TNFAIP8: variants seen among roughly 807,000 people sequenced by gnomAD.
TNFAIP8 encodes TNF alpha induced protein 8.
TNFAIP8 carries 7 observed loss-of-function variants against 13.3 expected under a neutral mutation model. The ratio of observed to expected loss-of-function variants is 0.52; its 90% CI spans 0.30 to 0.99. The LOEUF (loss-of-function observed/expected upper bound fraction) is 0.99. Among genes scored for constraint, TNFAIP8 ranks in the 50% least tolerant of loss-of-function variants. The pLI is 0.07. For synonymous variants in TNFAIP8, 94 were observed against 87.6 expected, an observed-to-expected ratio of 1.07 and a Z score of -0.41; for missense variants, 258 against 236.9, an observed-to-expected ratio of 1.09 and a Z score of -0.58.
At chr5:119,295,454 A>G (rs964697358) in intron 1 of TNFAIP8, among the ~76,000 whole-genome samples, 2 of 151,628 alleles carry the variant, frequency 1.3e-5, no homozygotes, top group African/African-American at 4.8e-5. Context: ...ATGCGGCGTT[A>G]TTTCTGAGGG....
intron 1 of TNFAIP8, among the ~76,000 whole-genome samples, chr5:119,379,984 A>G (rs774228628): frequency 6.6e-6 from 1 of 152,206 alleles, no homozygotes; most frequent in African/African-American, 2.4e-5. Context: ...AAGCAGCTTC[A>G]TGGCATTTGG....
At chr5:119,362,047 G>C (rs1751654525) in intron 1 of TNFAIP8, among the ~76,000 whole-genome samples, 2 of 152,320 alleles carry the variant, frequency 1.3e-5, no homozygotes, top group South Asian at 4.1e-4. Flanking sequence ...TGCATCCATA[G>C]TACAAAAATA....
chr5:119,354,927 C>T (rs1751322623), upstream of TNFAIP8: 2 of 162,806 alleles, frequency 1.2e-5, no homozygotes, highest in Non-Finnish European at 2.7e-5. Flanking sequence ...TCATAATTTC[C>T]AAGCGGATCT....
chr5:119,360,740 G>A (rs1438085248), intron 1 of TNFAIP8, among the ~76,000 whole-genome samples: 2 of 152,164 alleles, frequency 1.3e-5, no homozygotes, highest in Non-Finnish European at 2.9e-5. Context: ...CCTTGAAGTA[G>A]GACAGACCTA....
chr5:119,295,194 GTTAGACCTATAGGTCTAACGTTTAGTC>G (rs1749131805), intron 1 of TNFAIP8, among the ~76,000 whole-genome samples: 1 of 19,222 alleles, frequency 5.2e-5, no homozygotes, highest in Non-Finnish European at 8.1e-5. Flanking sequence ...TTAGTCTAAC[GTTAGACCTATAGGTCTAACGTTTAGTC>G]TAACGTTAGA....
At chr5:119,306,091 G>A (rs1406372436) in intron 1 of TNFAIP8, among the ~76,000 whole-genome samples, 1 of 152,090 alleles carries the variant, frequency 6.6e-6, no homozygotes, top group Admixed American at 6.5e-5. Flanking sequence ...CAGAAAACAG[G>A]ACTTCCTATG....
Position 119,398,213 on chromosome 5 carries a change from A to G in TNFAIP8, c.*4832A>G, listed in dbSNP as rs1425797410. Reference sequence around the variant, plus strand: ...CGCCTTCCCTGACATCAGCTGCATAACTGTATTTCTGCCTCGTGGAAATAA... The same window carrying G: ...CGCCTTCCCTGACATCAGCTGCATAGCTGTATTTCTGCCTCGTGGAAATAA... On this transcript the variant is annotated 3_prime_UTR_variant, in exon 2 of 2. Transcript: ENST00000504771. 6.6e-6 allele frequency: 1 copy of G among 152,172 alleles called. No individual in the cohort carries two copies. The highest frequency in any genetic ancestry group is 1.5e-5 in the Non-Finnish European group (1 of 68,034). The allele number at this position is 152,172 out of a possible 1,614,324, so 9.4% of individuals were successfully genotyped here. A position where few individuals can be genotyped will look rare whatever the true frequency, so the allele number is the denominator to read the frequency against.
At chr5:119,367,626 A>T (rs1169063920) in intron 1 of TNFAIP8, among the ~76,000 whole-genome samples, 1 of 152,196 alleles carries the variant, frequency 6.6e-6, no homozygotes, top group Non-Finnish European at 1.5e-5. Flanking sequence ...TATTCCATGA[A>T]TGACTCAATT....
chr5:119,289,704 A>G (rs984345670), intron 1 of TNFAIP8, among the ~76,000 whole-genome samples: 3 of 152,142 alleles, frequency 2.0e-5, no homozygotes, highest in Admixed American at 6.5e-5. Context: ...CCTTGCTCCA[A>G]TGCCCATTTA....
At chr5:119,268,930 C>G (rs1057023842) in intron 1 of TNFAIP8, 12 of 697,770 alleles carry the variant, frequency 1.7e-5, no homozygotes, top group Admixed American at 1.2e-4. Flanking sequence ...TGGGCGCGCC[C>G]GTCCCGCGCA....
intron 1 of TNFAIP8, among the ~76,000 whole-genome samples, chr5:119,279,181 C>G (rs1157226696): frequency 1.3e-5 from 2 of 152,162 alleles, no homozygotes; most frequent in Non-Finnish European, 2.9e-5. Context: ...GGAATTGAGG[C>G]TTAAGGAGGT....
At chr5:119,378,224 G>A (rs1006594513) in intron 1 of TNFAIP8, among the ~76,000 whole-genome samples, 12 of 152,178 alleles carry the variant, frequency 7.9e-5, no homozygotes, top group Admixed American at 7.2e-4. Flanking sequence ...CTGGGCATGC[G>A]GAGAGGAAAG....
chr5:119,330,769 G>A (rs1750352439), intron 1 of TNFAIP8, among the ~76,000 whole-genome samples: 1 of 152,160 alleles, frequency 6.6e-6, no homozygotes, highest in African/African-American at 2.4e-5. Flanking sequence ...TGTGTTTGCA[G>A]AGAGATAGAG....
chr5:119,353,102 A>G (rs1025192424), upstream of TNFAIP8, among the ~76,000 whole-genome samples: 3 of 152,206 alleles, frequency 2.0e-5, no homozygotes, highest in Non-Finnish European at 4.4e-5. Context: ...CTTAGTTGCA[A>G]TTTTGTATCA....
chr5:119,346,088 G>A (rs1312761618), intron 1 of TNFAIP8, among the ~76,000 whole-genome samples: 1 of 152,190 alleles, frequency 6.6e-6, no homozygotes, highest in Admixed American at 6.5e-5. Flanking sequence ...GAGAGGTCAT[G>A]GCCTGCTGTG....
intron 1 of TNFAIP8, among the ~76,000 whole-genome samples, chr5:119,367,706 C>T (rs1751912322): frequency 6.6e-6 from 1 of 152,120 alleles, no homozygotes; most frequent in Non-Finnish European, 1.5e-5. Flanking sequence ...AGGAAGTATT[C>T]AGTATAGATA....
intron 1 of TNFAIP8, among the ~76,000 whole-genome samples, chr5:119,324,466 A>T (rs955392195): frequency 6.6e-6 from 1 of 152,038 alleles, no homozygotes; most frequent in Non-Finnish European, 1.5e-5. Flanking sequence ...AGTCACAGGG[A>T]TAAGCAAAAA....
intron 1 of TNFAIP8, chr5:119,333,166 T>A: frequency 1.0e-6 from 1 of 986,648 alleles, no homozygotes; most frequent in Non-Finnish European, 1.2e-6. Flanking sequence ...AGACTTCCTG[T>A]TTCTGCTTGA....
In TNFAIP8 at chr5:119,394,759, A is replaced by T. The variant is rs926252298; in HGVS notation, c.*1378A>T. ...GTAGCTGGGATTACAGGCATGCACC[A>T]CCACACCCAGCTAATTTTTGTATTT... On this transcript the variant is annotated 3_prime_UTR_variant, in exon 2 of 2. Coordinates refer to ENST00000504771, the MANE Select transcript of TNFAIP8 (RefSeq NM_014350.4). 2.0e-5 allele frequency: 3 copies of T among 151,980 alleles called. No individual in the cohort carries two copies. Among genetic ancestry groups the T allele is most frequent in the African/African-American group, 7.3e-5 (3 of 41,326 alleles). The allele number at this position is 151,980 out of a possible 1,614,324, so 9.4% of individuals were successfully genotyped here. A position where few individuals can be genotyped will look rare whatever the true frequency, so the allele number is the denominator to read the frequency against.
Sources: allele counts gnomAD v4.1 joint callset (sites outside exome capture counted in the v4.1 genomes callset), GRCh38; gene constraint gnomAD v4.1.1; transcripts MANE v1.5; gene names NCBI Gene and HGNC (gene_info 2026-07-23, HGNC 2026-07-21).